The following OSBPL8 variants were observed in gnomAD, a reference collection of about 807,000 sequenced individuals.
OSBPL8 encodes the protein oxysterol-binding protein-related protein 8.
A neutral mutation model predicts 125.5 loss-of-function variants in OSBPL8; 59 were observed. The ratio of observed to expected loss-of-function variants is 0.47; its 90% CI spans 0.38 to 0.58. OSBPL8 has a LOEUF of 0.58. Among genes scored for constraint, OSBPL8 ranks in the 20% least tolerant of loss-of-function variants. The pLI, the probability that OSBPL8 is intolerant of heterozygous loss-of-function variation, is 0.00. For missense variants in OSBPL8, 758 were observed against 1,047.8 expected (o/e 0.72, Z 3.82); for synonymous variants, 330 against 338.9 (o/e 0.97, Z 0.29).
intron 1 of OSBPL8, among the ~76,000 whole-genome samples, chr12:76,526,354 A>T (rs1418110361): frequency 1.3e-5 from 2 of 152,134 alleles, no homozygotes; most frequent in East Asian, 3.8e-4. Flanking sequence ...TCCATCAGCC[A>T]CATACTTTAA....
intron 1 of OSBPL8, among the ~76,000 whole-genome samples, chr12:76,516,591 A>G (rs1237023356): frequency 6.6e-6 from 1 of 152,228 alleles, no homozygotes; most frequent in Non-Finnish European, 1.5e-5. Flanking sequence ...GAAAGGACAC[A>G]AAGAGCAGTA....
intron 1 of OSBPL8, among the ~76,000 whole-genome samples, chr12:76,553,819 T>C (rs1455798631): frequency 6.6e-6 from 1 of 150,850 alleles, no homozygotes; most frequent in African/African-American, 2.4e-5. Flanking sequence ...CTACTAAAAA[T>C]ACAAAAAATT....
chr12:76,533,038 A>G (rs1332086789), intron 1 of OSBPL8, among the ~76,000 whole-genome samples: 1 of 152,242 alleles, frequency 6.6e-6, no homozygotes, highest in Non-Finnish European at 1.5e-5. Context: ...ATTTGTAACC[A>G]AAATAGTCTA....
chr12:76,382,026 T>C (rs1256792091), intron 15 of OSBPL8, among the ~76,000 whole-genome samples: 1 of 151,786 alleles, frequency 6.6e-6, no homozygotes, highest in African/African-American at 2.4e-5. Flanking sequence ...TGAGCCACCA[T>C]GCGCGGCCTA....
intron 15 of OSBPL8, among the ~76,000 whole-genome samples, chr12:76,384,027 T>A (rs192033378): frequency 3.3e-5 from 5 of 152,212 alleles, no homozygotes; most frequent in Admixed American, 2.6e-4. Context: ...GGGCAATCAT[T>A]CTGTCTTTTC....
intron 1 of OSBPL8, among the ~76,000 whole-genome samples, chr12:76,546,238 T>A (rs1388760601): frequency 1.3e-5 from 2 of 152,184 alleles, no homozygotes; most frequent in Non-Finnish European, 2.9e-5. Flanking sequence ...ATTAATGAAT[T>A]ATGAAGAAGC....
intron 3 of OSBPL8, among the ~76,000 whole-genome samples, chr12:76,451,982 G>A (rs993614435): frequency 1.3e-5 from 2 of 152,044 alleles, no homozygotes; most frequent in African/African-American, 4.8e-5. Flanking sequence ...AGGCAGACGT[G>A]TTGGCGCGCC....
intron 1 of OSBPL8, among the ~76,000 whole-genome samples, chr12:76,531,630 A>C (rs1026237322): frequency 2.6e-5 from 4 of 152,200 alleles, no homozygotes; most frequent in African/African-American, 7.2e-5. Context: ...TGGGGGAGAG[A>C]TAACTGAATT....
chr12:76,448,529 T>C (rs1030547441), intron 4 of OSBPL8, among the ~76,000 whole-genome samples: 5 of 152,220 alleles, frequency 3.3e-5, no homozygotes, highest in Non-Finnish European at 4.4e-5. Context: ...GTGTGTATCA[T>C]ATATCGTTTT....
intron 6 of OSBPL8, among the ~76,000 whole-genome samples, chr12:76,401,048 G>C (rs928846910): frequency 3.9e-5 from 6 of 152,052 alleles, no homozygotes; most frequent in African/African-American, 1.4e-4. Context: ...CTCTCAAAGT[G>C]CTGGGATTAC....
At chr12:76,497,703 C>T (rs768465600) in intron 1 of OSBPL8, among the ~76,000 whole-genome samples, 25 of 152,154 alleles carry the variant, frequency 1.6e-4, no homozygotes, top group East Asian at 3.9e-4. Flanking sequence ...GCCTAGGCAG[C>T]TTATGTAAGG....
chr12:76,500,287 T>C (rs963989537), intron 1 of OSBPL8, among the ~76,000 whole-genome samples: 1 of 152,228 alleles, frequency 6.6e-6, no homozygotes, highest in African/African-American at 2.4e-5. Flanking sequence ...AGTGCCTTCA[T>C]AGATCCTATT....
At chr12:76,375,463 A>C (rs767480214) in intron 16 of OSBPL8, 93 bp from the exon 17 acceptor site, 8 of 802,082 alleles carry the variant, frequency 1.0e-5, no homozygotes, top group Non-Finnish European at 1.6e-5. Context: ...TTTTAGGAGA[A>C]ACATAATTCA....
chr12:76,478,833 C>A (rs1877120403), intron 2 of OSBPL8, among the ~76,000 whole-genome samples: 1 of 152,154 alleles, frequency 6.6e-6, no homozygotes, highest in Non-Finnish European at 1.5e-5. Context: ...CACCTGTAAT[C>A]CCAGCACTTT....
intron 16 of OSBPL8, among the ~76,000 whole-genome samples, chr12:76,377,797 C>T (rs977122852): frequency 1.3e-5 from 2 of 152,084 alleles, no homozygotes; most frequent in Non-Finnish European, 2.9e-5. Context: ...TCCTGACTTG[C>T]CACATTTTAG....
intron 6 of OSBPL8, among the ~76,000 whole-genome samples, chr12:76,402,234 C>T (rs1954078658): frequency 6.6e-6 from 1 of 152,142 alleles, no homozygotes; most frequent in African/African-American, 2.4e-5. Context: ...AAGCCCAGTG[C>T]TACATATTTC....
chr12:76,377,590 T>A (rs998000962), intron 16 of OSBPL8, among the ~76,000 whole-genome samples: 4 of 152,208 alleles, frequency 2.6e-5, no homozygotes, highest in Non-Finnish European at 5.9e-5. Context: ...TCTGTTCGTA[T>A]CCTTTGCCCA....
At chr12:76,464,951 ATAAC>A (rs1198201518) in intron 2 of OSBPL8, among the ~76,000 whole-genome samples, 5 of 152,220 alleles carry the variant, frequency 3.3e-5, no homozygotes, top group Admixed American at 6.5e-5. Context: ...GGCCCTTAGA[ATAAC>A]AAACTTCAGA....
intron 2 of OSBPL8, among the ~76,000 whole-genome samples, chr12:76,476,185 A>T (rs1207627408): frequency 6.6e-6 from 1 of 152,186 alleles, no homozygotes; most frequent in Non-Finnish European, 1.5e-5. Context: ...GATTGACCAA[A>T]ATGGTGAAAA....
Sources: gnomAD v4.1 joint callset for allele counts (sites outside exome capture counted in the v4.1 genomes callset) on GRCh38, gnomAD v4.1.1 for gene constraint, MANE v1.5 for transcripts, NCBI Gene and HGNC (gene_info 2026-07-23, HGNC 2026-07-21) for gene names.